ARHGEF12: variants seen among roughly 807,000 people sequenced by gnomAD.
The protein encoded by ARHGEF12 is Rho guanine nucleotide exchange factor 12, also known as KMT2A/ARHGEF12 fusion protein.
A neutral mutation model predicts 211.2 loss-of-function variants in ARHGEF12; 66 were observed. The ratio of observed to expected loss-of-function variants is 0.31; its 90% confidence interval spans 0.26 to 0.38. The LOEUF (loss-of-function observed/expected upper bound fraction) is 0.38, where lower values mean the gene tolerates loss of function less well. Among genes scored for constraint, ARHGEF12 ranks in the 10% least tolerant of loss-of-function variants. The pLI is 1.00. For missense variants in ARHGEF12, 1,429 were observed against 1,869.5 expected (o/e 0.76, Z 4.34); for synonymous variants, 592 against 638.4 (o/e 0.93, Z 1.09).
In ARHGEF12 at chr11:120,478,398, T is replaced by C; in HGVS notation, c.3766+9T>C. 2 of 1,610,052 alleles carry C rather than the reference T, an allele frequency of 1.2e-6. No individual in the cohort carries two copies. Among genetic ancestry groups the C allele is most frequent in the Non-Finnish European group, 1.7e-6 (2 of 1,176,384 alleles). On this transcript the variant is annotated intron_variant, in intron 37 of 40. Coordinates refer to ENST00000397843, the MANE Select transcript of ARHGEF12 (RefSeq NM_015313.3). ...GGATGCACTAAGAAATTGTAAGTTTTATTCATAACTTATTACAGATACTTA... is the reference window on the plus strand; with the variant it reads ...GGATGCACTAAGAAATTGTAAGTTTCATTCATAACTTATTACAGATACTTA...
chr11:120,404,642 C>G (rs180830216), intron 1 of ARHGEF12, among the ~76,000 whole-genome samples: 1 of 152,082 alleles, frequency 6.6e-6, no homozygotes, highest in Non-Finnish European at 1.5e-5. Context: ...TGGGAACTTC[C>G]GGGATTCTTT....
chr11:120,417,505 A>AT (rs34950022), intron 4 of ARHGEF12, among the ~76,000 whole-genome samples: 25,349 of 130,984 alleles, frequency 0.19, 3,113 homozygotes, highest in African/African-American at 0.28. Flanking sequence ...TAGTCTAATA[A>AT]TTTTTTTTTT....
chr11:120,361,604 CA>C (rs917312170), intron 1 of ARHGEF12, among the ~76,000 whole-genome samples: 1 of 152,118 alleles, frequency 6.6e-6, no homozygotes, highest in Non-Finnish European at 1.5e-5. Context: ...CAAAAATTTT[CA>C]AAAATTTCAA....
In ARHGEF12 at chr11:120,484,466, G is replaced by A. The variant is rs773933638; in HGVS notation, c.4583G>A (p.Cys1528Tyr). The A allele has an allele frequency of 2.5e-6, 4 of 1,613,966 alleles. No homozygotes were observed. Residue 1528 changes from cysteine to tyrosine, a missense_variant, in exon 40 of 41, where the codon TGC becomes TAC. Physicochemically the swap from Cys to Tyr is radical, Grantham distance 194 (BLOSUM62 -2). This residue lies in a region of ARHGEF12 where 467 missense variants were observed against 468.4 expected (regional missense o/e 1.00). Transcript: ENST00000397843. ...KKVEESYTILCQRLAGSALTD... is the reference protein window; with the variant it reads ...KKVEESYTILYQRLAGSALTD... The stretch of plus-strand genomic sequence containing the variant: ...GTGGAGGAAAGTTACACCATTCTTT[G>A]CCAAAGGCTGGCTGGATCAGCCCTC...
Position 120,452,523 on chromosome 11 carries a change from C to T in ARHGEF12, c.2056+799C>T, listed in dbSNP as rs75196939. ...TGAAGACGGCAAGGAACCAAGAAGCCAGGAGTTTGAATAGCTTAATATTCA... is the reference window on the plus strand; with the variant it reads ...TGAAGACGGCAAGGAACCAAGAAGCTAGGAGTTTGAATAGCTTAATATTCA... On this transcript the variant is annotated intron_variant, in intron 22 of 40. Transcript: ENST00000397843. Among the ~76,000 whole-genome samples the T allele has an allele frequency of 2.7e-3, 414 of 152,188 alleles. 1 individual carries two copies. The highest frequency in any genetic ancestry group is 9.3e-3 in the African/African-American group (387 of 41,498).
At chr11:120,453,441 C>CA (rs1385260686) in intron 22 of ARHGEF12, among the ~76,000 whole-genome samples, 1 of 152,084 alleles carries the variant, frequency 6.6e-6, no homozygotes. Context: ...GTAAAGAAGC[C>CA]AGGCATGGTG....
intron 39 of ARHGEF12, 127 bp from the exon 40 acceptor site, chr11:120,484,308 AGTT>A: frequency 1.5e-6 from 1 of 675,808 alleles, no homozygotes; most frequent in South Asian, 2.1e-5. Flanking sequence ...TTAATGATGA[AGTT>A]AATATTTTTG....
intron 4 of ARHGEF12, chr11:120,411,771 TG>T (rs1944890350): frequency 4.0e-5 from 6 of 151,120 alleles, no homozygotes; most frequent in Admixed American, 2.6e-4. Flanking sequence ...TTTGTTTGTT[TG>T]TTTTTTTAAT....
At chr11:120,433,424 C>A (rs1301176861) in intron 11 of ARHGEF12, among the ~76,000 whole-genome samples, 1 of 152,154 alleles carries the variant, frequency 6.6e-6, no homozygotes, top group African/African-American at 2.4e-5. Flanking sequence ...GAATGCTTTT[C>A]GTACTCTTCT....
At position 120,485,345 on chromosome 11, in the gene ARHGEF12, C is replaced by T; in HGVS notation, c.*268C>T. ...ATTCATTTTGATTCAGAATAAAAACCAAATGTATAGAGCTTTGGGTGTAGG... is the reference window on the plus strand; with the variant it reads ...ATTCATTTTGATTCAGAATAAAAACTAAATGTATAGAGCTTTGGGTGTAGG... On this transcript the variant is annotated 3_prime_UTR_variant, in exon 41 of 41. Coordinates refer to ENST00000397843, the MANE Select transcript of ARHGEF12 (RefSeq NM_015313.3). 2.4e-6 allele frequency: 1 copy of T among 409,666 alleles called. No individual in the cohort carries two copies. The highest frequency in any genetic ancestry group is 4.4e-6 in the Non-Finnish European group (1 of 226,790). The allele number at this position is 409,666 out of a possible 1,614,324, so 25.4% of individuals were successfully genotyped here. A position where few individuals can be genotyped will look rare whatever the true frequency, so the allele number is the denominator to read the frequency against.
intron 1 of ARHGEF12, among the ~76,000 whole-genome samples, chr11:120,367,516 C>G (rs190609930): frequency 4.5e-4 from 69 of 151,846 alleles, no homozygotes; most frequent in African/African-American, 1.6e-3. Context: ...CAGGCGCATG[C>G]CACCATGTCC....
At chr11:120,462,696 CA>C (rs1565500750) in intron 27 of ARHGEF12, 2 of 152,088 alleles carry the variant, frequency 1.3e-5, no homozygotes, top group Non-Finnish European at 2.9e-5. Context: ...ATCATAAAAG[CA>C]AAAATCATAA....
chr11:120,484,545 C>A (rs1175441205), intron 40 of ARHGEF12, 38 bp downstream of exon 40: 1 of 1,489,014 alleles, frequency 6.7e-7, no homozygotes, highest in African/African-American at 1.4e-5. Flanking sequence ...CTAGACTAAT[C>A]ATCCTACACT....
intron 1 of ARHGEF12, among the ~76,000 whole-genome samples, chr11:120,390,057 T>C (rs1944164150): frequency 6.6e-6 from 1 of 152,174 alleles, no homozygotes; most frequent in Non-Finnish European, 1.5e-5. Flanking sequence ...TTATTTTTTC[T>C]TTATTTTTTT....
intron 22 of ARHGEF12, among the ~76,000 whole-genome samples, chr11:120,455,558 C>T (rs142044404): frequency 6.6e-6 from 1 of 152,278 alleles, no homozygotes; most frequent in Non-Finnish European, 1.5e-5. Flanking sequence ...TGGAATGTAC[C>T]TTTCCCTTTG....
chr11:120,463,012 C>T (rs1490777260), intron 27 of ARHGEF12: 1 of 152,212 alleles, frequency 6.6e-6, no homozygotes, highest in Non-Finnish European at 1.5e-5. Context: ...GGGTAAACAA[C>T]CACTCTACAG....
intron 1 of ARHGEF12, 182 bp downstream of exon 1, chr11:120,337,457 A>G: frequency 1.0e-6 from 1 of 985,412 alleles, no homozygotes; most frequent in Non-Finnish European, 1.2e-6. Context: ...GCTTTTGGAA[A>G]TGTAATTTTT....
At chr11:120,418,064 A>G (rs1033639463) in intron 4 of ARHGEF12, among the ~76,000 whole-genome samples, 2 of 152,218 alleles carry the variant, frequency 1.3e-5, no homozygotes, top group African/African-American at 4.8e-5. Context: ...AATCAACTTT[A>G]TTGAGGTAAA....
At chr11:120,479,467 G>A (rs1352237249) in intron 37 of ARHGEF12, among the ~76,000 whole-genome samples, 1 of 152,080 alleles carries the variant, frequency 6.6e-6, no homozygotes, top group African/African-American at 2.4e-5. Context: ...AATTAAATTG[G>A]TTCTTATTTT....
Sources: gnomAD v4.1 joint callset for allele counts (sites outside exome capture counted in the v4.1 genomes callset) on GRCh38, gnomAD v4.1.1 for gene constraint, gnomAD v4.1.1 regional missense constraint, MANE v1.5 for transcripts, NCBI Gene and HGNC (gene_info 2026-07-23, HGNC 2026-07-21) for gene names.